Variants in LIMS1 observed in about 807,000 individuals in gnomAD.
LIMS1 encodes LIM and senescent cell antigen-like-containing domain protein 1.
Under a neutral mutation model 44.1 loss-of-function variants are expected in LIMS1, and 18 were observed. The ratio of observed to expected loss-of-function variants is 0.41; its 90% CI spans 0.28 to 0.61. LIMS1 has a LOEUF of 0.61. LIMS1 is among the 20% of genes least tolerant of loss of function. The pLI, the probability that LIMS1 is intolerant of heterozygous loss-of-function variation, is 0.32. For missense variants in LIMS1, 201 were observed against 422.0 expected (o/e 0.48, Z 4.59); for synonymous variants, 93 against 149.1 (o/e 0.62, Z 2.74).
At chr2:108,675,941 T>C in exon 6 of LIMS1, 1 of 1,613,942 alleles carries the variant, frequency 6.2e-7, no homozygotes, top group African/African-American at 1.3e-5. Context: ...CATGCCATGA[T>C]AAAATGGGGG....
At chr2:108,646,140 G>A (rs536505667) in intron 1 of LIMS1, among the ~76,000 whole-genome samples, 8 of 152,198 alleles carry the variant, frequency 5.3e-5, no homozygotes, top group South Asian at 2.1e-4. Context: ...TGGACCAAGC[G>A]GGCCTAATAG....
intron 2 of LIMS1, 54 bp from the exon 3 acceptor site, chr2:108,670,727 T>C: frequency 1.2e-6 from 2 of 1,610,580 alleles, no homozygotes; most frequent in South Asian, 1.1e-5. Context: ...CAAATAATTA[T>C]ATTTCTCCTG....
chr2:108,652,245 A>G (rs1346545323), intron 1 of LIMS1, among the ~76,000 whole-genome samples: 8 of 152,132 alleles, frequency 5.3e-5, no homozygotes, highest in Non-Finnish European at 8.8e-5. Flanking sequence ...TCAATACAGA[A>G]ATTTCTATAG....
intron 1 of LIMS1, among the ~76,000 whole-genome samples, chr2:108,637,101 G>GTGTGTA (rs1428453112): frequency 1.5e-4 from 5 of 34,240 alleles, no homozygotes; most frequent in African/African-American, 3.9e-4. Context: ...ATACATATAT[G>GTGTGTA]TGTGTGTGTG....
intron 1 of LIMS1, among the ~76,000 whole-genome samples, chr2:108,603,673 G>C (rs537049304): frequency 1.1e-4 from 16 of 151,780 alleles, no homozygotes; most frequent in African/African-American, 3.9e-4. Flanking sequence ...GGCTGGTCTT[G>C]AGCTCCTGAC....
At chr2:108,584,312 T>G (rs923113237) in intron 1 of LIMS1, among the ~76,000 whole-genome samples, 3 of 152,196 alleles carry the variant, frequency 2.0e-5, no homozygotes, top group African/African-American at 7.2e-5. Flanking sequence ...CTGAGAGGCC[T>G]TCTGCTGTCA....
rs146879079 is a variant in LIMS1, at chr2:108,536,295, C to G, written c.32+1701C>G. Among the ~76,000 whole-genome samples the G allele has an allele frequency of 9.4e-4, 143 of 152,344 alleles. 1 individual carries two copies. The highest frequency in any genetic ancestry group is 1.0e-3 in the Non-Finnish European group (68 of 68,026). ...ATCTTTATCTTACAAAACTGAAACT[C>G]TGTACCTATTAAACAATAATTCTCC... On this transcript the variant is annotated intron_variant, in intron 1 of 9. Transcript: ENST00000544547.
intron 8 of LIMS1, among the ~76,000 whole-genome samples, chr2:108,679,236 T>C (rs564422457): frequency 2.7e-4 from 41 of 151,030 alleles, no homozygotes; most frequent in African/African-American, 9.2e-4. Flanking sequence ...CCCAACACTT[T>C]GGGAGGCCAA....
chr2:108,534,652 T>TCGGGC (rs947162437), intron 1 of LIMS1, 58 bp downstream of exon 1: 100 of 997,246 alleles, frequency 1.0e-4, no homozygotes, highest in South Asian at 4.2e-4. Context: ...CGGCGGGCCT[T>TCGGGC]CGGGCCGGGC....
intron 1 of LIMS1, among the ~76,000 whole-genome samples, chr2:108,594,087 G>A (rs553606653): frequency 5.3e-4 from 80 of 152,268 alleles, no homozygotes; most frequent in African/African-American, 1.7e-3. Flanking sequence ...CCAGAATTTT[G>A]AGATTAATTT....
chr2:108,643,516 G>A (rs2148925577), intron 1 of LIMS1, among the ~76,000 whole-genome samples: 2 of 152,228 alleles, frequency 1.3e-5, no homozygotes, highest in East Asian at 3.9e-4. Flanking sequence ...TCCCTCTGAA[G>A]CCTACACCAC....
At position 108,676,108 on chromosome 2, in the gene LIMS1, A is replaced by G. The variant is rs1040325554; in HGVS notation, c.681+80A>G. ...GGTAACCAATACTTTCAGATCTCCCATGATTCAGGGGTAACCAGTACTTTC... is the reference window on the plus strand; with the variant it reads ...GGTAACCAATACTTTCAGATCTCCCGTGATTCAGGGGTAACCAGTACTTTC... On this transcript the variant is annotated intron_variant, in intron 6 of 9. Coordinates refer to ENST00000544547, the Ensembl canonical transcript of LIMS1. 4.8e-6 allele frequency: 7 copies of G among 1,468,548 alleles called. No individual in the cohort carries two copies. In the African/African-American group the frequency reaches 9.9e-5, roughly 21 times the overall value. 91.0% of individuals were successfully genotyped at this position (1,468,548 alleles called of 1,614,324 possible).
chr2:108,585,037 G>A (rs1453411219), intron 1 of LIMS1, among the ~76,000 whole-genome samples: 10 of 151,382 alleles, frequency 6.6e-5, no homozygotes, highest in Non-Finnish European at 1.0e-4. Context: ...TGTTGACCCA[G>A]CTACTTGGGA....
chr2:108,599,323 G>C (rs1219720326), intron 1 of LIMS1, among the ~76,000 whole-genome samples: 2 of 152,096 alleles, frequency 1.3e-5, no homozygotes, highest in Non-Finnish European at 2.9e-5. Context: ...TATTTCACTT[G>C]ACATAATGAT....
intron 2 of LIMS1, 40 bp downstream of exon 2, chr2:108,659,804 C>T (rs779608927): frequency 7.3e-5 from 118 of 1,612,124 alleles, no homozygotes; most frequent in South Asian, 4.4e-4. Flanking sequence ...TGCCATTCCC[C>T]GCCCTCCCGC....
chr2:108,652,707 CT>C (rs761955137), intron 1 of LIMS1, among the ~76,000 whole-genome samples: 7 of 152,184 alleles, frequency 4.6e-5, no homozygotes, highest in Non-Finnish European at 8.8e-5. Context: ...TGCTCCTGTA[CT>C]GTAGTCACGT....
chr2:108,575,126 C>T (rs1448610024), intron 1 of LIMS1, among the ~76,000 whole-genome samples: 2 of 152,180 alleles, frequency 1.3e-5, no homozygotes, highest in Non-Finnish European at 2.9e-5. Flanking sequence ...CGCCTCAACA[C>T]TCTTGGGGTT....
At chr2:108,636,145 GT>G (rs1410974033) in intron 1 of LIMS1, among the ~76,000 whole-genome samples, 2 of 152,232 alleles carry the variant, frequency 1.3e-5, no homozygotes, top group Non-Finnish European at 1.5e-5. Flanking sequence ...CTGAGTTAGA[GT>G]GCCAAGGGAG....
intron 1 of LIMS1, among the ~76,000 whole-genome samples, chr2:108,632,598 T>C (rs1464878634): frequency 1.3e-5 from 2 of 152,096 alleles, no homozygotes; most frequent in Non-Finnish European, 2.9e-5. Flanking sequence ...AAAATGGTAT[T>C]TGGGGCCAAA....
Sources: gnomAD v4.1 joint callset for allele counts (sites outside exome capture counted in the v4.1 genomes callset) on GRCh38, gnomAD v4.1.1 for gene constraint, MANE v1.5 for transcripts, NCBI Gene and HGNC (gene_info 2026-07-23, HGNC 2026-07-21) for gene names.